The following ZNF445 variants were observed in gnomAD, a reference collection of about 807,000 sequenced individuals.
ZNF445 encodes the protein zinc finger protein 168.
A neutral mutation model predicts 93.9 loss-of-function variants in ZNF445; 19 were observed. The observed-to-expected ratio is 0.20, with a 90% CI of 0.14 to 0.30. The LOEUF (loss-of-function observed/expected upper bound fraction) is 0.30. Among genes scored for constraint, ZNF445 ranks in the 10% least tolerant of loss-of-function variants. The pLI, the probability that ZNF445 is intolerant of heterozygous loss-of-function variation, is 1.00. For missense variants in ZNF445, 1,058 were observed against 1,259.4 expected, an observed-to-expected ratio of 0.84 and a Z score of 2.42; for synonymous variants, 449 against 446.3, an observed-to-expected ratio of 1.01 and a Z score of -0.08.
At position 44,473,487 on chromosome 3, in the gene ZNF445, ACAC is replaced by A. The variant is rs773765904; in HGVS notation, c.-269+4101_-269+4103del. ...CACACACACACACACACACACACACACACAAAAAATGCTTTCAGTATATATTTA... is the reference window on the plus strand; with the variant it reads ...CACACACACACACACACACACACACAAAAAAATGCTTTCAGTATATATTTA... On this transcript the variant is annotated intron_variant, in intron 1 of 7. Coordinates refer to ENST00000396077, the MANE Select transcript of ZNF445 (RefSeq NM_181489.6). Among the ~76,000 whole-genome samples the A allele has an allele frequency of 7.9e-3, 474 of 59,986 alleles. 2 individuals are homozygous for A. Among genetic ancestry groups the A allele is most frequent in the Middle Eastern group, 0.029 (3 of 104 alleles). 39.4% of individuals were successfully genotyped at this position (59,986 alleles called of 152,430 possible).
rs1479371011 is a variant in ZNF445, at chr3:44,437,054, C to CT, written c.*9520_*9521insA. The stretch of plus-strand genomic sequence containing the variant: ...TGGCTACTCCATAGACAGAGCAGCC[C>CT]CGAGGGCTGCTGGTTGTCTATTTTA... On this transcript the variant is annotated 3_prime_UTR_variant, in exon 8 of 8. Coordinates refer to ENST00000396077, the MANE Select transcript of ZNF445 (RefSeq NM_181489.6). 1 of 152,076 alleles carries CT rather than the reference C, an allele frequency of 6.6e-6. No homozygotes were observed. Among genetic ancestry groups the CT allele is most frequent in the African/African-American group, 2.4e-5 (1 of 41,406 alleles). 9.4% of individuals were successfully genotyped at this position (152,076 alleles called of 1,614,324 possible). A position where few individuals can be genotyped will look rare whatever the true frequency, so the allele number is the denominator to read the frequency against.
rs1008451146 is a variant in ZNF445, at chr3:44,475,104, C to CA, written c.-269+2486dup. 4.6e-5 allele frequency among the ~76,000 whole-genome samples: 7 copies of CA among 151,306 alleles called. No individual in the cohort carries two copies. In the South Asian group the frequency reaches 6.3e-4, roughly 14 times the overall value. On this transcript the variant is annotated intron_variant, in intron 1 of 7. Coordinates refer to ENST00000396077, the MANE Select transcript of ZNF445 (RefSeq NM_181489.6). ...GGGTGAAAGAGCGTTAACTCTGTCT[C>CA]AAAAAAAAGGTTTGTCTTATCTTAC... is the stretch of plus-strand genomic sequence containing the variant.
In ZNF445 at chr3:44,443,187, G is replaced by C. The variant is rs1697833311; in HGVS notation, c.*3388C>G. On this transcript the variant is annotated 3_prime_UTR_variant, in exon 8 of 8. Transcript: ENST00000396077. ...AGGCAGCACAAGGCAGAACACTCTG[G>C]GGGGCTGGCATGGGGAAGGGACAGG... The C allele has an allele frequency of 6.6e-6, 1 of 152,184 alleles. No homozygotes were observed. The highest frequency in any genetic ancestry group is 2.4e-5 in the African/African-American group (1 of 41,424). 9.4% of individuals were successfully genotyped at this position (152,184 alleles called of 1,614,324 possible).
chr3:44,446,705 T>C lies in ZNF445; in HGVS notation c.2966A>G (p.Lys989Arg). The C allele has an allele frequency of 6.2e-7, 1 of 1,614,264 alleles. No individual in the cohort carries two copies. The highest frequency in any genetic ancestry group is 2.2e-5 in the East Asian group (1 of 44,894). ...KCSICGKTFN[K>R]SSQLISHKRF... ...CTTGTGGCTAATGAGTTGTGAACTC[T>C]TGTTAAAAGTTTTCCCACATATGCT... The change falls in exon 8 of 8, where the codon AAG becomes AGG. Residue 989 changes from lysine (K) to arginine (R), a missense_variant. This residue lies in a region of ZNF445 where 387 missense variants were observed against 475.7 expected (regional missense o/e 0.81). Transcript: ENST00000396077. This position sits in a 1 kb window ranked among gnomAD's most constrained non-coding sequence, Gnocchi z 4.2.
intron 3 of ZNF445, among the ~76,000 whole-genome samples, chr3:44,453,215 C>T (rs576291858): frequency 1.3e-5 from 2 of 151,136 alleles, no homozygotes; most frequent in East Asian, 2.0e-4. Flanking sequence ...CAAGCTACAA[C>T]TTTCATTTAT....
chr3:44,475,158 A>T (rs1230899423), intron 1 of ZNF445, among the ~76,000 whole-genome samples: 1 of 152,050 alleles, frequency 6.6e-6, no homozygotes, highest in African/African-American at 2.4e-5. Context: ...TTCAGTCATC[A>T]TCATTTTTAT....
chr3:44,469,642 A>G (rs1251167488), intron 1 of ZNF445, among the ~76,000 whole-genome samples: 1 of 152,098 alleles, frequency 6.6e-6, no homozygotes, highest in South Asian at 2.1e-4. Context: ...GGAGACGTAC[A>G]GCTGTAATCC....
rs186010208 is a variant in ZNF445 at position 44,466,093 on chromosome 3, A to C, written c.-268-7729T>G. Among the ~76,000 whole-genome samples, 574 of 152,340 alleles carry C rather than the reference A, an allele frequency of 3.8e-3. 7 individuals are homozygous for C. Among genetic ancestry groups the C allele is most frequent in the African/African-American group, 0.013 (546 of 41,576 alleles). ...AAATGGCAGGGAAAAAATGGAGAGA[A>C]GAGAGATTCAGTTGGCCTCAAGCTA... On this transcript the variant is annotated intron_variant, in intron 1 of 7. Coordinates refer to ENST00000396077, the MANE Select transcript of ZNF445 (RefSeq NM_181489.6).
chr3:44,451,122 G>A (rs1697950657), intron 4 of ZNF445, among the ~76,000 whole-genome samples, 160 bp from the exon 5 acceptor site: 2 of 152,146 alleles, frequency 1.3e-5, no homozygotes, highest in African/African-American at 2.4e-5. Context: ...CCAGGAAAGG[G>A]GTAGTGGGAT....
At chr3:44,465,902 A>G (rs1403753144) in intron 1 of ZNF445, among the ~76,000 whole-genome samples, 1 of 152,222 alleles carries the variant, frequency 6.6e-6, no homozygotes, top group African/African-American at 2.4e-5. Flanking sequence ...CTACAGAGTA[A>G]GACTTCGTCT....
In ZNF445 at chr3:44,446,950, C is replaced by T; in HGVS notation, c.2721G>A (p.Gly907=). 1 of 1,614,150 alleles carries T rather than the reference C, an allele frequency of 6.2e-7. No individual in the cohort carries two copies. Among genetic ancestry groups the T allele is most frequent in the Non-Finnish European group, 8.5e-7 (1 of 1,180,032 alleles). Residue 907 remains glycine (G), a synonymous_variant, in exon 8 of 8, where the codon GGG becomes GGA. Coordinates refer to ENST00000396077, the MANE Select transcript of ZNF445 (RefSeq NM_181489.6). The surrounding 1 kb of genome is among the most constrained non-coding windows in gnomAD (Gnocchi z 4.2). ...TCTGGTGACTGGAAAGGGTATGTCT[C>T]CCAATGAACTCTTTCCCACACCACT... ...KCQWCGKEFI[G]RHTLSSHQRK... is the part of the protein sequence containing the mutation.
intron 1 of ZNF445, among the ~76,000 whole-genome samples, chr3:44,458,998 G>A (rs1311889025): frequency 1.3e-5 from 2 of 152,158 alleles, no homozygotes; most frequent in Admixed American, 1.3e-4. Flanking sequence ...CTTCAATCAT[G>A]CTTATCCAAT....
rs116284191 is a variant in ZNF445 at position 44,449,689 on chromosome 3, C to T, written c.821-66G>A. 5.0e-4 allele frequency: 668 copies of T among 1,343,722 alleles called. 2 individuals carry two copies. Among genetic ancestry groups the T allele is most frequent in the Admixed American group, 1.6e-3 (93 of 58,034 alleles). The allele number at this position is 1,343,722 out of a possible 1,614,324, so 83.2% of individuals were successfully genotyped here. A position where few individuals can be genotyped will look rare whatever the true frequency, so the allele number is the denominator to read the frequency against. ...GACACAGAACTACTCTTCAGGACCT[C>T]TGGGCCTGAAGTCCTGGTGGGAAGG... On this transcript the variant is annotated intron_variant, in intron 6 of 7. Transcript: ENST00000396077.
chr3:44,451,525 A>C (rs1479298096), intron 3 of ZNF445, 43 bp from the exon 4 acceptor site: 12 of 1,579,810 alleles, frequency 7.6e-6, no homozygotes, highest in Non-Finnish European at 1.0e-5. Context: ...TCTGGGAATC[A>C]GAAAGCAAAC....
rs201335323 is a variant in ZNF445, at chr3:44,448,085, G to A, written c.1586C>T (p.Ala529Val). 2.9e-5 allele frequency: 46 copies of A among 1,612,960 alleles called. No individual in the cohort carries two copies. The highest frequency in any genetic ancestry group is 1.6e-4 in the Middle Eastern group (1 of 6,062). ...GKAFRWSSNCARHEKIHTGVK... is the reference protein window; with the variant it reads ...GKAFRWSSNCVRHEKIHTGVK... The stretch of plus-strand genomic sequence containing the variant: ...TCCAGTGTGAATTTTCTCATGCCGC[G>A]CACAGTTGGAACTCCACCGGAAGGC... Residue 529 changes from alanine (A) to valine (V), a missense_variant, in exon 8 of 8, where the codon GCG becomes GTG. Physicochemically the swap from Ala to Val is moderately conservative, Grantham distance 64 (BLOSUM62 0). Coordinates refer to ENST00000396077, the MANE Select transcript of ZNF445 (RefSeq NM_181489.6).
rs2125675828 is a variant in ZNF445 at position 44,440,113 on chromosome 3, G to A, written c.*6462C>T. The A allele has an allele frequency of 6.6e-6, 1 of 152,294 alleles. No individual in the cohort carries two copies. The highest frequency in any genetic ancestry group is 2.1e-4 in the South Asian group (1 of 4,832). The allele number at this position is 152,294 out of a possible 1,614,324, so 9.4% of individuals were successfully genotyped here. On this transcript the variant is annotated 3_prime_UTR_variant, in exon 8 of 8. Transcript: ENST00000396077. The stretch of plus-strand genomic sequence containing the variant: ...GCTGCTTAGCAGTTGCTACCTCCAA[G>A]ACACCTTGGCATTTTCTTCTTGCCT...
intron 7 of ZNF445, among the ~76,000 whole-genome samples, chr3:44,449,259 C>A (rs766019389): frequency 6.6e-6 from 1 of 152,054 alleles, no homozygotes; most frequent in Middle Eastern, 3.4e-3. Context: ...GTGAAGCCCT[C>A]CAGCAGGCAA....
In ZNF445 at chr3:44,433,675, G is replaced by A. The variant is rs1011355796; in HGVS notation, c.*12900C>T. ...GAGCCGGACCTGCAGAGAGAGAGTG[G>A]GAAAGTGGAGAACCATCAGCTCACT... On this transcript the variant is annotated 3_prime_UTR_variant, in exon 8 of 8. Transcript: ENST00000396077. The A allele has an allele frequency of 6.6e-6, 1 of 152,170 alleles. No individual in the cohort carries two copies. Among genetic ancestry groups the A allele is most frequent in the Non-Finnish European group, 1.5e-5 (1 of 68,082 alleles). The allele number at this position is 152,170 out of a possible 1,614,324, so 9.4% of individuals were successfully genotyped here. A position where few individuals can be genotyped will look rare whatever the true frequency, so the allele number is the denominator to read the frequency against.
At position 44,460,580 on chromosome 3, in the gene ZNF445, A is replaced by G. The variant is rs540742492; in HGVS notation, c.-268-2216T>C. ...CATCTGAGCTTGTGGCCCCCCACCC[A>G]GGAACTGACTTAGCACAAGACAGCT... On this transcript the variant is annotated intron_variant, in intron 1 of 7. Transcript: ENST00000396077. 2.3e-4 allele frequency among the ~76,000 whole-genome samples: 35 copies of G among 152,258 alleles called. No homozygotes were observed. In the South Asian group the frequency reaches 7.2e-3, roughly 32 times the overall value.
Sources: allele counts gnomAD v4.1 joint callset (sites outside exome capture counted in the v4.1 genomes callset), GRCh38; gene constraint gnomAD v4.1.1; regional missense constraint gnomAD v4.1.1; non-coding constraint Gnocchi (gnomAD v3.1); transcripts MANE v1.5; gene names NCBI Gene and HGNC (gene_info 2026-07-23, HGNC 2026-07-21).